Variants in C8orf82 observed in about 807,000 individuals in gnomAD.
C8orf82 encodes UPF0598 protein C8orf82.
A neutral mutation model predicts 15.0 loss-of-function variants in C8orf82; 24 were observed. The ratio of observed to expected loss-of-function variants is 1.60; its 90% CI spans 1.16 to 2.24. The LOEUF (loss-of-function observed/expected upper bound fraction) is 2.24. Ranked by LOEUF, C8orf82 falls within the 30% of genes most tolerant of loss-of-function variation. The pLI, the probability that C8orf82 is intolerant of heterozygous loss-of-function variation, is 0.00. For synonymous variants in C8orf82, 205 were observed against 152.2 expected (o/e 1.35, Z -2.55); for missense variants, 388 against 317.4 (o/e 1.22, Z -1.69).
rs1816372541 is a variant in C8orf82 at position 144,526,665 on chromosome 8, G to A, written c.*677C>T. 1 of 152,270 alleles carries A rather than the reference G, an allele frequency of 6.6e-6. No individual in the cohort carries two copies. The highest frequency in any genetic ancestry group is 2.4e-5 in the African/African-American group (1 of 41,460). 9.4% of individuals were successfully genotyped at this position (152,270 alleles called of 1,614,324 possible). Reference sequence around the variant, plus strand: ...CTGTGCGGGAGCGGGGAGGGAAGAGGATGGAACGCCCTGTGTCTGCCTCGG... The same window carrying A: ...CTGTGCGGGAGCGGGGAGGGAAGAGAATGGAACGCCCTGTGTCTGCCTCGG... On this transcript the variant is annotated 3_prime_UTR_variant, in exon 3 of 3. Transcript: ENST00000524821.
rs746916680 is a variant in C8orf82, at chr8:144,528,046, C to T, written c.183G>A (p.Lys61=). ...TACCTTTGAAGCAGGTGATGAAATT[C>T]TTCATTTTGGAATCATCCAGGAAAA... The part of the protein sequence containing the change: ...GQLFLDDSKM[K]NFITCFKDPQ... Residue 61 remains lysine, a synonymous_variant, in exon 2 of 3, where the codon AAG becomes AAA. Transcript: ENST00000524821. The T allele has an allele frequency of 5.6e-6, 9 of 1,612,702 alleles. No individual in the cohort carries two copies. Among genetic ancestry groups the T allele is most frequent in the African/African-American group, 5.3e-5 (4 of 74,916 alleles).
At chr8:144,528,713 G>T (rs1586861984) in intron 1 of C8orf82, 48 bp downstream of exon 1, 8 of 338,720 alleles carry the variant, frequency 2.4e-5, no homozygotes, top group Non-Finnish European at 3.4e-5. Flanking sequence ...CCCGCCCAGA[G>T]ACCTCTCCCG....
In C8orf82 at chr8:144,526,170, T is replaced by G. The variant is rs912852433; in HGVS notation, c.*1172A>C. On this transcript the variant is annotated 3_prime_UTR_variant, in exon 3 of 3. Coordinates refer to ENST00000524821, the MANE Select transcript of C8orf82 (RefSeq NM_001001795.2). ...ACCAAGTGGCCTTGGTGTTTAAATCTTGCCCTAAATTGTAACTCACATGAT... is the reference window on the plus strand; with the variant it reads ...ACCAAGTGGCCTTGGTGTTTAAATCGTGCCCTAAATTGTAACTCACATGAT... 1 of 152,206 alleles carries G rather than the reference T, an allele frequency of 6.6e-6. No individual in the cohort carries two copies. The highest frequency in any genetic ancestry group is 1.5e-5 in the Non-Finnish European group (1 of 68,040). 9.4% of individuals were successfully genotyped at this position (152,206 alleles called of 1,614,324 possible).
At position 144,528,910 on chromosome 8, in the gene C8orf82, G is replaced by T. The variant is rs200038527; in HGVS notation, c.7C>A (p.Pro3Thr). The stretch of plus-strand genomic sequence containing the variant: ...AGGGTCCGGAGCGTCCCGCAAGGCG[G>T]CCACATTCTCCTCCCGCGCCGGAAG... MW[P>T]PCGTLRTLAL... Residue 3 changes from proline to threonine, a missense_variant, in exon 1 of 3, where the codon CCG becomes ACG. Pro to Thr is a conservative substitution (Grantham distance 38, BLOSUM62 -1). Transcript: ENST00000524821. 2 of 1,508,804 alleles carry T rather than the reference G, an allele frequency of 1.3e-6. No individual in the cohort carries two copies. The highest frequency in any genetic ancestry group is 5.7e-5 in the East Asian group (2 of 35,148). The allele number at this position is 1,508,804 out of a possible 1,614,324, so 93.5% of individuals were successfully genotyped here. A position where few individuals can be genotyped will look rare whatever the true frequency, so the allele number is the denominator to read the frequency against.
In C8orf82 at chr8:144,529,071, G is replaced by T; in HGVS notation, c.-155C>A. 3 of 717,912 alleles carry T rather than the reference G, an allele frequency of 4.2e-6. No homozygotes were observed. Among genetic ancestry groups the T allele is most frequent in the South Asian group, 5.7e-5 (2 of 34,890 alleles). 44.5% of individuals were successfully genotyped at this position (717,912 alleles called of 1,614,324 possible). A position where few individuals can be genotyped will look rare whatever the true frequency, so the allele number is the denominator to read the frequency against. On this transcript the variant is annotated 5_prime_UTR_variant, in exon 1 of 3. Transcript: ENST00000524821. ...CTTCCCTCTCCCTCGGGCCTCGGGGGCTCGCCCGCCCTGGCCTTCCGAGAG... is the reference window on the plus strand; with the variant it reads ...CTTCCCTCTCCCTCGGGCCTCGGGGTCTCGCCCGCCCTGGCCTTCCGAGAG...
intron 1 of C8orf82, 137 bp from the exon 2 acceptor site, chr8:144,528,209 G>A (rs1586860846): frequency 6.7e-7 from 1 of 1,497,034 alleles, no homozygotes; most frequent in Non-Finnish European, 8.9e-7. Flanking sequence ...ACCGCATGCA[G>A]GGAGGCGCGT....
Position 144,525,948 on chromosome 8 carries a change from G to C in C8orf82, c.*1394C>G, listed in dbSNP as rs1816344672. 1 of 152,198 alleles carries C rather than the reference G, an allele frequency of 6.6e-6. No individual in the cohort carries two copies. Among genetic ancestry groups the C allele is most frequent in the South Asian group, 2.1e-4 (1 of 4,830 alleles). The allele number at this position is 152,198 out of a possible 1,614,324, so 9.4% of individuals were successfully genotyped here. On this transcript the variant is annotated 3_prime_UTR_variant, in exon 3 of 3. Transcript: ENST00000524821. Reference sequence around the variant, plus strand: ...ACATGTACTTGTCGTAAAGAAATGGGAAGGCTGGGGTCTGGTTTCAGGAAC... The same window carrying C: ...ACATGTACTTGTCGTAAAGAAATGGCAAGGCTGGGGTCTGGTTTCAGGAAC...
Position 144,528,769 on chromosome 8 carries a change from G to A in C8orf82, c.148C>T (p.Gln50Ter), listed in dbSNP as rs865808908. Residue 50 changes from glutamine (Q) to a stop codon, truncating the protein, a stop_gained, in exon 1 of 3, where the codon CAG becomes TAG. Coordinates refer to ENST00000524821, the MANE Select transcript of C8orf82 (RefSeq NM_001001795.2). LOFTEE classifies it high-confidence loss of function. ...TREYFYYVDHQGQLFLDDSKM... is the reference protein window; with the variant it reads ...TREYFYYVDH ...GCCCTGCCCCCGCCCACCTGGCCCT[G>A]GTGGTCCACGTAGTAGAAATACTCG... 20 of 1,361,296 alleles carry A rather than the reference G, an allele frequency of 1.5e-5. No homozygotes were observed. Among genetic ancestry groups the A allele is most frequent in the Non-Finnish European group, 1.9e-5 (20 of 1,044,604 alleles). The allele number at this position is 1,361,296 out of a possible 1,614,324, so 84.3% of individuals were successfully genotyped here. A position where few individuals can be genotyped will look rare whatever the true frequency, so the allele number is the denominator to read the frequency against.
rs1224664146 is a variant in C8orf82, at chr8:144,527,169, C to T, written c.*173G>A. On this transcript the variant is annotated 3_prime_UTR_variant, in exon 3 of 3. Transcript: ENST00000524821. ...CGCGCGCCGTGGGGAGCGGGGTGTCCGGGAGGGCCGGGCCGCGGCAGCACC... is the reference window on the plus strand; with the variant it reads ...CGCGCGCCGTGGGGAGCGGGGTGTCTGGGAGGGCCGGGCCGCGGCAGCACC... The T allele has an allele frequency of 1.5e-5, 5 of 328,800 alleles. No individual in the cohort carries two copies. Among genetic ancestry groups the T allele is most frequent in the Non-Finnish European group, 2.4e-5 (5 of 208,336 alleles). 20.4% of individuals were successfully genotyped at this position (328,800 alleles called of 1,614,324 possible).
rs1185273814 is a variant in C8orf82, at chr8:144,526,689, G to A, written c.*653C>T. On this transcript the variant is annotated 3_prime_UTR_variant, in exon 3 of 3. Coordinates refer to ENST00000524821, the MANE Select transcript of C8orf82 (RefSeq NM_001001795.2). The stretch of plus-strand genomic sequence containing the variant: ...GGATGGAACGCCCTGTGTCTGCCTC[G>A]GGCGCAGTGCGAGGCCCAAGCTGGT... The A allele has an allele frequency of 6.6e-6, 1 of 152,252 alleles. No individual in the cohort carries two copies. Among genetic ancestry groups the A allele is most frequent in the Non-Finnish European group, 1.5e-5 (1 of 68,044 alleles). The allele number at this position is 152,252 out of a possible 1,614,324, so 9.4% of individuals were successfully genotyped here. A position where few individuals can be genotyped will look rare whatever the true frequency, so the allele number is the denominator to read the frequency against.
chr8:144,528,349 G>A, intron 1 of C8orf82: 6 of 1,509,100 alleles, frequency 4.0e-6, no homozygotes, highest in South Asian at 2.4e-5. Context: ...CCTCCTCCGC[G>A]GAGACTACCT....
At chr8:144,528,616 C>CGGGGG in intron 1 of C8orf82, 145 bp downstream of exon 1, 12 of 295,990 alleles carry the variant, frequency 4.1e-5, no homozygotes, top group Non-Finnish European at 6.1e-5. Context: ...GCGCAGGCCC[C>CGGGGG]GCCCACCCAC....
Position 144,527,743 on chromosome 8 carries a change from G to C in C8orf82, c.250C>G (p.Arg84Gly). ...AAAGCGGCCTCGTAGCGCCCGCTGC[G>C]GTTGGGTCTCAGGCGGGAGAAGAAG... is the stretch of plus-strand genomic sequence containing the variant. ...VTFFSRLRPN[R>G]SGRYEAAFPF... The change falls in exon 3 of 3, where the codon CGC becomes GGC. Residue 84 changes from arginine (R) to glycine (G), a missense_variant. Transcript: ENST00000524821. 6.3e-7 allele frequency: 1 copy of C among 1,594,280 alleles called. No individual in the cohort carries two copies. Among genetic ancestry groups the C allele is most frequent in the East Asian group, 2.2e-5 (1 of 44,702 alleles).
intron 1 of C8orf82, chr8:144,528,329 A>T: frequency 2.6e-6 from 4 of 1,510,088 alleles, no homozygotes; most frequent in Non-Finnish European, 3.5e-6. Context: ...GTTTGTAATC[A>T]GTTGTACCAC....
chr8:144,528,908 C>G lies in C8orf82; in HGVS notation c.9G>C (p.Pro3=), dbSNP rs766134126. Residue 3 remains proline, a synonymous_variant, in exon 1 of 3, where the codon CCG becomes CCC. Coordinates refer to ENST00000524821, the MANE Select transcript of C8orf82 (RefSeq NM_001001795.2). Reference sequence around the variant, plus strand: ...CCAGGGTCCGGAGCGTCCCGCAAGGCGGCCACATTCTCCTCCCGCGCCGGA... The same window carrying G: ...CCAGGGTCCGGAGCGTCCCGCAAGGGGGCCACATTCTCCTCCCGCGCCGGA... The part of the protein sequence containing the change: MW[P]PCGTLRTLAL... 2 of 1,508,542 alleles carry G rather than the reference C, an allele frequency of 1.3e-6. No individual in the cohort carries two copies. Among genetic ancestry groups the G allele is most frequent in the African/African-American group, 1.5e-5 (1 of 68,932 alleles). The allele number at this position is 1,508,542 out of a possible 1,614,324, so 93.4% of individuals were successfully genotyped here. A position where few individuals can be genotyped will look rare whatever the true frequency, so the allele number is the denominator to read the frequency against.
rs771237485 is a variant in C8orf82, at chr8:144,528,772, G to A, written c.145C>T (p.His49Tyr). ...RTREYFYYVD[H>Y]QGQLFLDDSK... ...CTGCCCCCGCCCACCTGGCCCTGGT[G>A]GTCCACGTAGTAGAAATACTCGCGG... is the stretch of plus-strand genomic sequence containing the variant. The change falls in exon 1 of 3, where the codon CAC (histidine) becomes TAC (tyrosine). Residue 49 changes from histidine (H) to tyrosine (Y), a missense_variant. Transcript: ENST00000524821. 2 of 1,410,658 alleles carry A rather than the reference G, an allele frequency of 1.4e-6. No homozygotes were observed. Among genetic ancestry groups the A allele is most frequent in the Non-Finnish European group, 9.3e-7 (1 of 1,076,962 alleles). 87.4% of individuals were successfully genotyped at this position (1,410,658 alleles called of 1,614,324 possible).
Position 144,527,163 on chromosome 8 carries a change from G to C in C8orf82, c.*179C>G. 3.3e-6 allele frequency: 1 copy of C among 299,472 alleles called. No individual in the cohort carries two copies. Among genetic ancestry groups the C allele is most frequent in the Non-Finnish European group, 5.5e-6 (1 of 182,332 alleles). 18.6% of individuals were successfully genotyped at this position (299,472 alleles called of 1,614,324 possible). ...GGGGGGCGCGCGCCGTGGGGAGCGG[G>C]GTGTCCGGGAGGGCCGGGCCGCGGC... On this transcript the variant is annotated 3_prime_UTR_variant, in exon 3 of 3. Coordinates refer to ENST00000524821, the MANE Select transcript of C8orf82 (RefSeq NM_001001795.2).
rs1218484699 is a variant in C8orf82, at chr8:144,527,576, G to GGGCACGGCCAGGGCCTC, written c.400_416dup (p.Phe140ArgfsTer325). On this transcript the variant is annotated frameshift_variant, in exon 3 of 3. Transcript: ENST00000524821. LOFTEE classifies it high-confidence loss of function. The stretch of plus-strand genomic sequence containing the variant: ...GGGGCAGCAGGCGCGCCGGCTCGAA[G>GGGCACGGCCAGGGCCTC]GGCACGGCCAGGGCCTCGCCACCGC... 1.4e-6 allele frequency: 2 copies of GGGCACGGCCAGGGCCTC among 1,476,914 alleles called. No individual in the cohort carries two copies. Among genetic ancestry groups the GGGCACGGCCAGGGCCTC allele is most frequent in the African/African-American group, 2.9e-5 (2 of 68,568 alleles). 91.5% of individuals were successfully genotyped at this position (1,476,914 alleles called of 1,614,324 possible). A position where few individuals can be genotyped will look rare whatever the true frequency, so the allele number is the denominator to read the frequency against.
chr8:144,528,278 T>C (rs775396395), intron 1 of C8orf82: 10 of 1,506,832 alleles, frequency 6.6e-6, no homozygotes, highest in Non-Finnish European at 8.9e-6. Context: ...CTCTGCTCCC[T>C]GGTCAGCCAA....
Sources: allele counts gnomAD v4.1 joint callset, GRCh38; gene constraint gnomAD v4.1.1; transcripts MANE v1.5; gene names NCBI Gene and HGNC (gene_info 2026-07-23, HGNC 2026-07-21).